The following MYO1B variants were observed in gnomAD, a reference collection of about 807,000 sequenced individuals.
MYO1B encodes myosin IB, also known as unconventional myosin-Ib.
In MYO1B, 72 loss-of-function variants were observed where a neutral mutation model predicts 159.7. The ratio of observed to expected loss-of-function variants is 0.45; its 90% CI spans 0.37 to 0.55. The LOEUF (loss-of-function observed/expected upper bound fraction) is 0.55, where lower values mean the gene tolerates loss of function less well. Ranked by LOEUF, MYO1B falls within the 20% of genes least tolerant of loss-of-function variation. MYO1B has a pLI of 0.00. For missense variants in MYO1B, 1,062 were observed against 1,364.8 expected (o/e 0.78, Z 3.50); for synonymous variants, 468 against 473.8 (o/e 0.99, Z 0.16).
At chr2:191,314,512 T>A (rs563538099) in intron 3 of MYO1B, among the ~76,000 whole-genome samples, 2 of 152,368 alleles carry the variant, frequency 1.3e-5, no homozygotes, top group East Asian at 3.9e-4. Context: ...AAATTAGATG[T>A]TGGTCTCTTC....
intron 3 of MYO1B, among the ~76,000 whole-genome samples, chr2:191,317,968 T>G (rs1574415484): frequency 6.6e-6 from 1 of 152,242 alleles, no homozygotes; most frequent in Non-Finnish European, 1.5e-5. Flanking sequence ...TTTCTTTTTT[T>G]GCATGAATAT....
At chr2:191,282,061 T>C (rs1433989195) in intron 2 of MYO1B, among the ~76,000 whole-genome samples, 2 of 152,220 alleles carry the variant, frequency 1.3e-5, no homozygotes, top group African/African-American at 2.4e-5. Context: ...GTAAAGTTAA[T>C]GAAAACAATA....
intron 1 of MYO1B, among the ~76,000 whole-genome samples, chr2:191,247,016 G>C (rs1378893912): frequency 6.6e-6 from 1 of 152,214 alleles, no homozygotes; most frequent in Non-Finnish European, 1.5e-5. Flanking sequence ...ACTCGCCAAA[G>C]GATTGGCTGA....
In MYO1B at chr2:191,350,148, T is replaced by G; in HGVS notation, c.499-14T>G. On this transcript the variant is annotated splice_polypyrimidine_tract_variant and intron_variant, in intron 6 of 30. Coordinates refer to ENST00000392318, the MANE Select transcript of MYO1B (RefSeq NM_001130158.3). ...GAGATGAACTAGAAAACTCACAAAA[T>G]CTTTCTTTGGCAGGGCAAATATATG... 6.2e-7 allele frequency: 1 copy of G among 1,611,394 alleles called. No individual in the cohort carries two copies. The highest frequency in any genetic ancestry group is 8.5e-7 in the Non-Finnish European group (1 of 1,178,004).
chr2:191,350,153 C>T lies in MYO1B; in HGVS notation c.499-9C>T, dbSNP rs1195284014. 1 of 1,612,022 alleles carries T rather than the reference C, an allele frequency of 6.2e-7. No homozygotes were observed. The highest frequency in any genetic ancestry group is 8.5e-7 in the Non-Finnish European group (1 of 1,178,616). ...GAACTAGAAAACTCACAAAATCTTT[C>T]TTTGGCAGGGCAAATATATGGATAT... On this transcript the variant is annotated splice_polypyrimidine_tract_variant and intron_variant, in intron 6 of 30. Transcript: ENST00000392318.
chr2:191,316,306 C>A (rs1690345723), intron 3 of MYO1B, among the ~76,000 whole-genome samples: 1 of 152,138 alleles, frequency 6.6e-6, no homozygotes, highest in African/African-American at 2.4e-5. Context: ...GAATAGATGG[C>A]CCCTCATCTC....
intron 3 of MYO1B, among the ~76,000 whole-genome samples, chr2:191,327,829 T>C (rs1398497531): frequency 6.6e-6 from 1 of 152,206 alleles, no homozygotes; most frequent in Non-Finnish European, 1.5e-5. Context: ...TTTATTACTT[T>C]TTTTCTGTCT....
chr2:191,351,736 A>T (rs1675491197), intron 7 of MYO1B, among the ~76,000 whole-genome samples: 1 of 152,100 alleles, frequency 6.6e-6, no homozygotes, highest in Non-Finnish European at 1.5e-5. Flanking sequence ...AAAAATACAA[A>T]AGTTAGCCGG....
At chr2:191,315,299 A>G (rs567299349) in intron 3 of MYO1B, among the ~76,000 whole-genome samples, 15 of 152,302 alleles carry the variant, frequency 9.8e-5, no homozygotes, top group East Asian at 7.7e-4. Context: ...TTTATGGTTC[A>G]GATACATGTG....
intron 4 of MYO1B, among the ~76,000 whole-genome samples, chr2:191,337,426 C>A (rs1691926021): frequency 6.6e-6 from 1 of 152,188 alleles, no homozygotes; most frequent in African/African-American, 2.4e-5. Context: ...AAACTGTCAT[C>A]TGTACTTCCT....
intron 18 of MYO1B, among the ~76,000 whole-genome samples, chr2:191,390,914 G>A (rs1484967822): frequency 1.3e-5 from 2 of 152,240 alleles, no homozygotes; most frequent in Non-Finnish European, 2.9e-5. Flanking sequence ...ATCAATAGAC[G>A]ATACGAGCAG....
At chr2:191,284,192 C>T (rs1347927786) in intron 2 of MYO1B, among the ~76,000 whole-genome samples, 3 of 152,218 alleles carry the variant, frequency 2.0e-5, no homozygotes, top group Non-Finnish European at 4.4e-5. Flanking sequence ...CAGTTCGGCA[C>T]AGGGGACACG....
At chr2:191,363,377 C>T (rs1693796621) in intron 9 of MYO1B, among the ~76,000 whole-genome samples, 1 of 152,088 alleles carries the variant, frequency 6.6e-6, no homozygotes, top group African/African-American at 2.4e-5. Context: ...AGGAGCTTTT[C>T]TTTGTATGGA....
At chr2:191,400,034 A>G (rs1220009054) in intron 21 of MYO1B, among the ~76,000 whole-genome samples, 1 of 152,220 alleles carries the variant, frequency 6.6e-6, no homozygotes, top group Non-Finnish European at 1.5e-5. Flanking sequence ...AATGAAAGAG[A>G]TACAGTGGCC....
At chr2:191,407,548 T>C (rs1412579669) in intron 24 of MYO1B, 1 of 152,222 alleles carries the variant, frequency 6.6e-6, no homozygotes. Context: ...AATATGATGT[T>C]TTAAGTGCTC....
At position 191,333,877 on chromosome 2, in the gene MYO1B, A is replaced by T. The variant is rs147767931; in HGVS notation, c.346+3848A>T. Among the ~76,000 whole-genome samples, 24 of 152,320 alleles carry T rather than the reference A, an allele frequency of 1.6e-4. No homozygotes were observed. The East Asian group carries it at 4.3e-3, about 27-fold the overall frequency. ...CAGCTTCTTGTTTGTCTCTAGGTTG[A>T]CAAATGAAAATGGTGGCAAGGCAAG... On this transcript the variant is annotated intron_variant, in intron 4 of 30. Transcript: ENST00000392318.
intron 2 of MYO1B, among the ~76,000 whole-genome samples, chr2:191,289,339 G>A (rs927791664): frequency 6.6e-6 from 1 of 152,182 alleles, no homozygotes; most frequent in Non-Finnish European, 1.5e-5. Flanking sequence ...ACAGATTCTT[G>A]TCTCCTTGTC....
intron 1 of MYO1B, among the ~76,000 whole-genome samples, chr2:191,268,694 C>T (rs984195803): frequency 6.6e-6 from 1 of 152,200 alleles, no homozygotes; most frequent in African/African-American, 2.4e-5. Flanking sequence ...AGATAGGCTT[C>T]CTCTGGAGGA....
chr2:191,357,651 A>G (rs1436752174), intron 7 of MYO1B, among the ~76,000 whole-genome samples: 1 of 152,216 alleles, frequency 6.6e-6, no homozygotes, highest in African/African-American at 2.4e-5. Flanking sequence ...AGAAGTACCT[A>G]AGGCAGAAGA....
Sources: allele counts gnomAD v4.1 joint callset (sites outside exome capture counted in the v4.1 genomes callset), GRCh38; gene constraint gnomAD v4.1.1; transcripts MANE v1.5; gene names NCBI Gene and HGNC (gene_info 2026-07-23, HGNC 2026-07-21).